The following ASH1L variants were observed in gnomAD, a reference collection of about 807,000 sequenced individuals.
ASH1L encodes ASH1 like histone lysine methyltransferase.
A neutral mutation model predicts 269.0 loss-of-function variants in ASH1L; 23 were observed. The ratio of observed to expected loss-of-function variants is 0.09; its 90% confidence interval spans 0.06 to 0.12. ASH1L has a LOEUF of 0.12. Among genes scored for constraint, ASH1L ranks in the 10% least tolerant of loss-of-function variants. ASH1L has a pLI of 1.00. For synonymous variants in ASH1L, 1,187 were observed against 1,253.5 expected, an observed-to-expected ratio of 0.95 and a Z score of 1.12; for missense variants, 2,912 against 3,567.8, an observed-to-expected ratio of 0.82 and a Z score of 4.68.
chr1:155,419,895 T>C (rs758119040), intron 5 of ASH1L, among the ~76,000 whole-genome samples: 11 of 152,198 alleles, frequency 7.2e-5, no homozygotes, highest in Non-Finnish European at 1.6e-4. Flanking sequence ...CCAAAGACTC[T>C]ACAAAAGAGA....
rs779830071 is a variant in ASH1L, at chr1:155,521,527, G to A, written c.-8C>T. 41 of 1,590,998 alleles carry A rather than the reference G, an allele frequency of 2.6e-5. No individual in the cohort carries two copies. The highest frequency in any genetic ancestry group is 2.2e-4 in the South Asian group (19 of 86,734). ...AGTATTTCTAGGGTCCATCACAAGC[G>A]TATGTTATTGCCAAGGAATCTTATG... On this transcript the variant is annotated 5_prime_UTR_variant, in exon 2 of 28. The change creates a new upstream start codon in the 5' untranslated region. Coordinates refer to ENST00000392403, the MANE Select transcript of ASH1L (RefSeq NM_018489.3).
intron 2 of ASH1L, among the ~76,000 whole-genome samples, chr1:155,489,795 A>AAAATAAATAAATAAATAAATAAAT (rs754645316): frequency 7.1e-5 from 10 of 141,550 alleles, no homozygotes; most frequent in Admixed American, 1.4e-4. Flanking sequence ...ACACTGTCTC[A>AAAATAAATAAATAAATAAATAAAT]AAATAAATAA....
chr1:155,487,890 CTTTTTTT>C (rs755016145), intron 2 of ASH1L, among the ~76,000 whole-genome samples: 1 of 142,852 alleles, frequency 7.0e-6, no homozygotes, highest in Non-Finnish European at 1.5e-5. Flanking sequence ...TGGTTTTTCA[CTTTTTTT>C]TTTTTTTTGA....
intron 6 of ASH1L, among the ~76,000 whole-genome samples, chr1:155,412,635 T>C (rs12046473): frequency 0.32 from 48,212 of 151,966 alleles, 8,177 homozygotes; most frequent in East Asian, 0.73. Context: ...TGAGCCATTC[T>C]AGCAAATTAA....
At chr1:155,373,608 T>C (rs1656174757) in intron 10 of ASH1L, among the ~76,000 whole-genome samples, 1 of 152,154 alleles carries the variant, frequency 6.6e-6, no homozygotes, top group East Asian at 1.9e-4. Context: ...GCTGTTTTAA[T>C]GGGAGCTGTT....
At chr1:155,437,500 C>A (rs1465222022) in intron 5 of ASH1L, among the ~76,000 whole-genome samples, 1 of 152,138 alleles carries the variant, frequency 6.6e-6, no homozygotes, top group Non-Finnish European at 1.5e-5. Flanking sequence ...TAACTGAAAT[C>A]TTTGTGCATG....
intron 2 of ASH1L, among the ~76,000 whole-genome samples, chr1:155,489,243 AG>A (rs1305268287): frequency 2.9e-5 from 4 of 138,616 alleles, no homozygotes; most frequent in Non-Finnish European, 6.3e-5. Flanking sequence ...GAGGCCGAGG[AG>A]GGCAGAACAT....
chr1:155,493,994 G>C (rs1030125774), intron 2 of ASH1L, among the ~76,000 whole-genome samples: 2 of 152,134 alleles, frequency 1.3e-5, no homozygotes, highest in Non-Finnish European at 2.9e-5. Flanking sequence ...AGATGTCATT[G>C]TAATGCATGA....
At position 155,480,792 on chromosome 1, in the gene ASH1L, T is replaced by C. The variant is rs773579792; in HGVS notation, c.2078A>G (p.His693Arg). The part of the protein sequence containing the change: ...KLGAVSASDK[H>R]CQVAESLSTS... ...ACTTAGGCTTTCAGCAACTTGGCAG[T>C]GTTTGTCTGATGCAGATACTGCACC... Residue 693 changes from histidine to arginine, a missense_variant, in exon 3 of 28, where the codon CAC becomes CGC. This residue lies in a region of ASH1L where 715 missense variants were observed against 721.0 expected (regional missense o/e 0.99). Transcript: ENST00000392403. The C allele has an allele frequency of 6.2e-7, 1 of 1,613,918 alleles. No individual in the cohort carries two copies. Among genetic ancestry groups the C allele is most frequent in the African/African-American group, 1.3e-5 (1 of 74,944 alleles).
chr1:155,562,227 C>G lies in ASH1L; in HGVS notation c.-174G>C. Reference sequence around the variant, plus strand: ...TGGGGAAGAGGGGGTGGCCGCCAGGCTCCTCCGCTTCCCTGGGTCCACGGC... The same window carrying G: ...TGGGGAAGAGGGGGTGGCCGCCAGGGTCCTCCGCTTCCCTGGGTCCACGGC... On this transcript the variant is annotated 5_prime_UTR_variant, in exon 1 of 28. Coordinates refer to ENST00000392403, the MANE Select transcript of ASH1L (RefSeq NM_018489.3). The G allele has an allele frequency of 6.2e-7, 1 of 1,609,928 alleles. No individual in the cohort carries two copies. The highest frequency in any genetic ancestry group is 8.5e-7 in the Non-Finnish European group (1 of 1,176,636).
intron 2 of ASH1L, among the ~76,000 whole-genome samples, chr1:155,512,941 C>T (rs1015189759): frequency 4.6e-5 from 7 of 151,780 alleles, no homozygotes; most frequent in African/African-American, 9.7e-5. Context: ...CCTGTAGCCG[C>T]GGCTTCTTGG....
intron 6 of ASH1L, among the ~76,000 whole-genome samples, chr1:155,399,708 C>A (rs570925638): frequency 5.7e-5 from 8 of 139,944 alleles, no homozygotes; most frequent in African/African-American, 2.1e-4. Context: ...GGAGGAGATA[C>A]TAAGTTCTAC....
intron 20 of ASH1L, among the ~76,000 whole-genome samples, 188 bp from the exon 21 acceptor site, chr1:155,346,657 G>C (rs1653361651): frequency 6.6e-6 from 1 of 152,158 alleles, no homozygotes; most frequent in African/African-American, 2.4e-5. Context: ...ACTGTTCTAA[G>C]CAAAAGTATA....
At chr1:155,456,666 A>G (rs949407667) in intron 4 of ASH1L, among the ~76,000 whole-genome samples, 2 of 152,140 alleles carry the variant, frequency 1.3e-5, no homozygotes, top group African/African-American at 4.8e-5. Flanking sequence ...AGATGTCTCT[A>G]AAAGTATAAA....
At chr1:155,533,205 G>C (rs569698260) in intron 1 of ASH1L, among the ~76,000 whole-genome samples, 63 of 152,120 alleles carry the variant, frequency 4.1e-4, no homozygotes, top group South Asian at 2.3e-3. Context: ...TTTAGCATCA[G>C]TAAAAGTAAT....
chr1:155,562,887 C>T (rs1416236016), upstream of ASH1L: 4 of 453,938 alleles, frequency 8.8e-6, no homozygotes, highest in Non-Finnish European at 4.4e-6. Context: ...CGGCCGCCGC[C>T]GCCGCCGCCA....
chr1:155,484,952 A>G (rs1481218719), intron 2 of ASH1L, among the ~76,000 whole-genome samples: 1 of 137,210 alleles, frequency 7.3e-6, no homozygotes, highest in African/African-American at 3.1e-5. Flanking sequence ...AACAAAAACA[A>G]AAACAAAAAC....
At chr1:155,543,950 A>G (rs977640670) in intron 1 of ASH1L, among the ~76,000 whole-genome samples, 2 of 152,150 alleles carry the variant, frequency 1.3e-5, no homozygotes, top group Non-Finnish European at 2.9e-5. Flanking sequence ...AAAAAAACAC[A>G]ACAAAACAAA....
intron 6 of ASH1L, among the ~76,000 whole-genome samples, chr1:155,408,223 C>G (rs1659455563): frequency 6.6e-6 from 1 of 152,284 alleles, no homozygotes; most frequent in African/African-American, 2.4e-5. Context: ...GAGGATCCAA[C>G]TAAGCCAAGA....
Sources: gnomAD v4.1 joint callset for allele counts (sites outside exome capture counted in the v4.1 genomes callset) on GRCh38, gnomAD v4.1.1 for gene constraint, gnomAD v4.1.1 regional missense constraint, MANE v1.5 for transcripts, NCBI Gene and HGNC (gene_info 2026-07-23, HGNC 2026-07-21) for gene names.